The following RFX3 variants were observed in gnomAD, a reference collection of about 807,000 sequenced individuals.
The protein encoded by RFX3 is regulatory factor X3.
RFX3 carries 14 observed loss-of-function variants against 98.6 expected under a neutral mutation model. The observed-to-expected ratio is 0.14, with a 90% confidence interval of 0.09 to 0.22. The LOEUF is 0.22. Ranked by LOEUF, RFX3 falls within the 10% of genes least tolerant of loss-of-function variation. RFX3 has a pLI of 1.00. For missense variants in RFX3, 639 were observed against 926.9 expected (o/e 0.69, Z 4.03); for synonymous variants, 383 against 328.4 (o/e 1.17, Z -1.80).
intron 2 of RFX3, among the ~76,000 whole-genome samples, chr9:3,347,414 C>A (rs1038131169): frequency 6.6e-6 from 1 of 151,818 alleles, no homozygotes; most frequent in African/African-American, 2.4e-5. Flanking sequence ...AAGAACAATT[C>A]ATAATAGAAA....
At chr9:3,291,592 A>G (rs1827362629) in intron 6 of RFX3, among the ~76,000 whole-genome samples, 1 of 152,036 alleles carries the variant, frequency 6.6e-6, no homozygotes, top group South Asian at 2.1e-4. Context: ...TTGGGCCATC[A>G]TTTTTGAAAG....
chr9:3,394,723 G>T, intron 2 of RFX3: 2 of 612,134 alleles, frequency 3.3e-6, no homozygotes, highest in Non-Finnish European at 2.0e-6. Flanking sequence ...GAAATTATAG[G>T]CAAATCTTGA....
At chr9:3,418,704 A>G (rs1843189414) in intron 1 of RFX3, among the ~76,000 whole-genome samples, 1 of 152,198 alleles carries the variant, frequency 6.6e-6, no homozygotes, top group Admixed American at 6.5e-5. Context: ...TATTAATCAA[A>G]TCACTAATTT....
intron 2 of RFX3, among the ~76,000 whole-genome samples, chr9:3,360,510 C>T (rs951674631): frequency 6.6e-6 from 1 of 151,798 alleles, no homozygotes. Flanking sequence ...ATTCTGTCAA[C>T]TGAAGGGAAA....
chr9:3,360,785 T>A (rs1836329557), intron 2 of RFX3, among the ~76,000 whole-genome samples: 1 of 152,204 alleles, frequency 6.6e-6, no homozygotes. Context: ...TCAATTAGTA[T>A]ATTTTGAGGA....
chr9:3,309,219 G>A (rs2130383237), intron 4 of RFX3, among the ~76,000 whole-genome samples: 1 of 152,216 alleles, frequency 6.6e-6, no homozygotes, highest in East Asian at 1.9e-4. Context: ...CAGGAATTAG[G>A]ATTAGGAATT....
chr9:3,236,280 A>C (rs953417763), intron 15 of RFX3, among the ~76,000 whole-genome samples: 9 of 152,212 alleles, frequency 5.9e-5, no homozygotes, highest in Admixed American at 4.6e-4. Context: ...CCATACATGC[A>C]TCTAAAAAGT....
At chr9:3,323,736 G>C (rs1302968156) in intron 4 of RFX3, among the ~76,000 whole-genome samples, 1 of 152,110 alleles carries the variant, frequency 6.6e-6, no homozygotes, top group Non-Finnish European at 1.5e-5. Flanking sequence ...ATTATATTTT[G>C]CTTTAAAATT....
intron 1 of RFX3, among the ~76,000 whole-genome samples, chr9:3,402,544 A>G (rs1478520271): frequency 3.3e-5 from 5 of 152,104 alleles, no homozygotes; most frequent in Admixed American, 2.0e-4. Context: ...CTGATTCAAC[A>G]TAAGATCACA....
rs71495493 is a variant in RFX3, at chr9:3,333,439, T to TG, written c.216-2923_216-2922insC. ...AGAAACAAATTCATAGAAAATGTTT[T>TG]TTTTTTTTTTTTTCCAGATAGAAAA... On this transcript the variant is annotated intron_variant, in intron 3 of 16. Coordinates refer to ENST00000617270, the MANE Select transcript of RFX3 (RefSeq NM_001282116.2). Among the ~76,000 whole-genome samples, 276 of 150,482 alleles carry TG rather than the reference T, an allele frequency of 1.8e-3. 4 individuals are homozygous for TG. Among genetic ancestry groups the TG allele is most frequent in the African/African-American group, 6.3e-3 (258 of 41,054 alleles).
intron 2 of RFX3, among the ~76,000 whole-genome samples, chr9:3,385,339 A>G (rs1839590743): frequency 6.6e-6 from 1 of 152,202 alleles, no homozygotes; most frequent in Non-Finnish European, 1.5e-5. Flanking sequence ...AAGAAATTGT[A>G]TGTCTCTAAG....
intron 9 of RFX3, among the ~76,000 whole-genome samples, chr9:3,274,606 A>G (rs528625519): frequency 4.2e-4 from 64 of 152,256 alleles, no homozygotes; most frequent in African/African-American, 1.5e-3. Flanking sequence ...ATTAACCACA[A>G]AAGTGAAACA....
chr9:3,442,470 G>C (rs1420608831), intron 1 of RFX3, among the ~76,000 whole-genome samples: 1 of 151,980 alleles, frequency 6.6e-6, no homozygotes, highest in East Asian at 1.9e-4. Context: ...AGACAGAAAA[G>C]CCATCAAGGA....
At chr9:3,340,201 T>C (rs1285329358) in intron 3 of RFX3, among the ~76,000 whole-genome samples, 5 of 152,334 alleles carry the variant, frequency 3.3e-5, no homozygotes, top group Middle Eastern at 3.4e-3. Context: ...GCTAGCCATA[T>C]GTAGAAAGCT....
chr9:3,337,829 G>A (rs1363415297), intron 3 of RFX3, among the ~76,000 whole-genome samples: 1 of 152,140 alleles, frequency 6.6e-6, no homozygotes, highest in Admixed American at 6.5e-5. Flanking sequence ...TCTGTTGCTT[G>A]AAACCAAGAA....
At chr9:3,471,702 G>GA (rs769214706) in intron 1 of RFX3, among the ~76,000 whole-genome samples, 2 of 152,160 alleles carry the variant, frequency 1.3e-5, no homozygotes, top group Non-Finnish European at 2.9e-5. Flanking sequence ...CTAGTTATTA[G>GA]AAAAAATCCT....
At chr9:3,495,755 G>A (rs1851068807) in intron 1 of RFX3, among the ~76,000 whole-genome samples, 2 of 151,884 alleles carry the variant, frequency 1.3e-5, no homozygotes, top group South Asian at 4.1e-4. Context: ...ATCTTAGGCT[G>A]GATTTACTCT....
At chr9:3,267,288 A>G (rs1316666806) in intron 11 of RFX3, among the ~76,000 whole-genome samples, 1 of 151,946 alleles carries the variant, frequency 6.6e-6, no homozygotes, top group Non-Finnish European at 1.5e-5. Flanking sequence ...TAGGTTCTCT[A>G]TAATGGGGTA....
chr9:3,522,602 C>T (rs1040343741), intron 1 of RFX3, among the ~76,000 whole-genome samples: 4 of 151,062 alleles, frequency 2.6e-5, no homozygotes, highest in African/African-American at 4.9e-5. Flanking sequence ...TTTTGCCACA[C>T]ATCTGCTGCT....
Sources: gnomAD v4.1 joint callset for allele counts (sites outside exome capture counted in the v4.1 genomes callset) on GRCh38, gnomAD v4.1.1 for gene constraint, MANE v1.5 for transcripts, NCBI Gene and HGNC (gene_info 2026-07-23, HGNC 2026-07-21) for gene names.